The following RBKS variants were observed in gnomAD, a reference collection of about 807,000 sequenced individuals.
RBKS encodes the protein ribokinase.
In RBKS, 33 loss-of-function variants were observed where a neutral mutation model predicts 33.9. That is an observed-to-expected ratio of 0.97 (90% CI 0.74 to 1.30). The LOEUF (loss-of-function observed/expected upper bound fraction) is 1.30, where lower values mean the gene tolerates loss of function less well. RBKS is among the 50% of genes most tolerant of loss of function. RBKS has a pLI of 0.00. For missense variants in RBKS, 361 were observed against 392.6 expected (o/e 0.92, Z 0.68); for synonymous variants, 125 against 143.0 (o/e 0.87, Z 0.90).
At chr2:27,870,913 C>G in intron 1 of RBKS, 1 of 456,932 alleles carries the variant, frequency 2.2e-6, no homozygotes, top group South Asian at 1.5e-5. Context: ...TTACACAAAA[C>G]AAGCATTGTT....
At chr2:27,838,221 AAAAC>A (rs1301592267) in intron 5 of RBKS, among the ~76,000 whole-genome samples, 1 of 152,070 alleles carries the variant, frequency 6.6e-6, no homozygotes, top group Non-Finnish European at 1.5e-5. Context: ...AAACAAAACA[AAAAC>A]AAGTCTGCAC....
intron 7 of RBKS, among the ~76,000 whole-genome samples, chr2:27,820,264 C>T (rs1678173760): frequency 1.3e-5 from 2 of 152,256 alleles, no homozygotes; most frequent in South Asian, 4.1e-4. Context: ...CTTTATAACA[C>T]CTTCTCCCCA....
intron 1 of RBKS, among the ~76,000 whole-genome samples, chr2:27,862,940 A>G (rs1424801964): frequency 6.6e-6 from 1 of 152,196 alleles, no homozygotes; most frequent in Non-Finnish European, 1.5e-5. Context: ...TTCAGGTTCA[A>G]GAAAGCATCT....
chr2:27,802,671 G>A (rs576798290), intron 7 of RBKS, among the ~76,000 whole-genome samples: 4 of 152,240 alleles, frequency 2.6e-5, no homozygotes, highest in African/African-American at 9.6e-5. Flanking sequence ...TTCAATGCAC[G>A]CTAATACCTC....
At chr2:27,858,041 G>A (rs936738924) in intron 2 of RBKS, among the ~76,000 whole-genome samples, 5 of 152,090 alleles carry the variant, frequency 3.3e-5, no homozygotes, top group East Asian at 1.9e-4. Context: ...AAAAAGGAAG[G>A]AAATACTGAT....
intron 2 of RBKS, among the ~76,000 whole-genome samples, chr2:27,855,308 G>T (rs1189105271): frequency 1.3e-5 from 2 of 152,210 alleles, no homozygotes; most frequent in African/African-American, 4.8e-5. Context: ...TTTGAAGGAA[G>T]CAAGACAGGG....
rs1210610006 is a variant in RBKS at position 27,848,096 on chromosome 2, A to G, written c.224T>C (p.Val75Ala). 8 of 1,472,662 alleles carry G rather than the reference A, an allele frequency of 5.4e-6. No individual in the cohort carries two copies. Among genetic ancestry groups the G allele is most frequent in the Non-Finnish European group, 7.5e-6 (8 of 1,062,450 alleles). The allele number at this position is 1,472,662 out of a possible 1,614,324, so 91.2% of individuals were successfully genotyped here. A position where few individuals can be genotyped will look rare whatever the true frequency, so the allele number is the denominator to read the frequency against. The change falls in exon 3 of 8, where the codon GTT becomes GCT. Residue 75 changes from valine to alanine, a missense_variant and splice_region_variant. Physicochemically the swap from Val to Ala is moderately conservative, Grantham distance 64. Coordinates refer to ENST00000302188, the MANE Select transcript of RBKS (RefSeq NM_022128.3). The stretch of plus-strand genomic sequence containing the variant: ...ATCATTGCCAAAAGAATCTTTGCCA[A>G]CCTGTACCAAAGAAATAATGAATAT... ...LGAMTSMVCK[V>A]GKDSFGNDYI...
At chr2:27,860,398 C>A (rs1175282339) in intron 1 of RBKS, among the ~76,000 whole-genome samples, 1 of 152,076 alleles carries the variant, frequency 6.6e-6, no homozygotes, top group African/African-American at 2.4e-5. Context: ...TCAGAGCAAC[C>A]TGAAAAAGAA....
chr2:27,836,132 T>C (rs1678514865), intron 5 of RBKS, among the ~76,000 whole-genome samples: 1 of 152,068 alleles, frequency 6.6e-6, no homozygotes, highest in South Asian at 2.1e-4. Context: ...GGACAATCGC[T>C]TGAACCTGGG....
At chr2:27,797,290 C>T (rs12623170) in intron 7 of RBKS, among the ~76,000 whole-genome samples, 43,653 of 152,102 alleles carry the variant, frequency 0.29, 7,045 homozygotes, top group East Asian at 0.59. Context: ...CTGTGGGCCA[C>T]GGCCAGCTCA....
chr2:27,787,985 C>G (rs773548915), intron 7 of RBKS, among the ~76,000 whole-genome samples: 1 of 152,084 alleles, frequency 6.6e-6, no homozygotes, highest in Non-Finnish European at 1.5e-5. Context: ...ATATTAAAAA[C>G]CTTATGATTA....
chr2:27,860,447 G>C (rs1389036865), intron 1 of RBKS, among the ~76,000 whole-genome samples: 1 of 152,298 alleles, frequency 6.6e-6, no homozygotes, highest in Non-Finnish European at 1.5e-5. Flanking sequence ...CAAATAACTT[G>C]ATTAGTAAGA....
chr2:27,814,954 CAT>C (rs567653338), intron 7 of RBKS, among the ~76,000 whole-genome samples: 30 of 152,220 alleles, frequency 2.0e-4, no homozygotes, highest in Non-Finnish European at 4.4e-4. Flanking sequence ...CACATAAGCA[CAT>C]GACATTCATG....
chr2:27,888,274 C>T (rs1664588695), intron 1 of RBKS, among the ~76,000 whole-genome samples: 1 of 152,032 alleles, frequency 6.6e-6, no homozygotes, highest in African/African-American at 2.4e-5. Flanking sequence ...ATCACAGGCG[C>T]CAGCTACCAT....
chr2:27,786,883 A>G (rs189398459), intron 7 of RBKS, among the ~76,000 whole-genome samples: 8 of 152,330 alleles, frequency 5.3e-5, no homozygotes, highest in Admixed American at 5.2e-4. Flanking sequence ...AAGGCCAGGG[A>G]AACACAGGGC....
intron 6 of RBKS, among the ~76,000 whole-genome samples, chr2:27,828,662 A>G (rs1034814976): frequency 1.1e-4 from 16 of 151,984 alleles, no homozygotes; most frequent in African/African-American, 3.9e-4. Context: ...CAAGATCCAT[A>G]TTTTTCTCCC....
Position 27,890,386 on chromosome 2 carries a change from G to T in RBKS, c.-41C>A. 6.3e-7 allele frequency: 1 copy of T among 1,575,068 alleles called. No individual in the cohort carries two copies. Reference sequence around the variant, plus strand: ...CTGTCCAACCTGGACGGTGACCTCTGCCCTTTGCCCGACCCCGTAACCAGA... The same window carrying T: ...CTGTCCAACCTGGACGGTGACCTCTTCCCTTTGCCCGACCCCGTAACCAGA... On this transcript the variant is annotated 5_prime_UTR_variant, in exon 1 of 8. Transcript: ENST00000302188. This position sits in a 1 kb window ranked among gnomAD's most constrained non-coding sequence, Gnocchi z 4.8.
intron 7 of RBKS, chr2:27,782,677 C>T (rs1392603424): frequency 3.1e-5 from 14 of 447,294 alleles, no homozygotes; most frequent in South Asian, 1.8e-4. Flanking sequence ...TGGTGTTAAC[C>T]CTGGTCACCT....
chr2:27,881,553 T>TA (rs1664417254), intron 1 of RBKS, among the ~76,000 whole-genome samples: 1 of 150,236 alleles, frequency 6.7e-6, no homozygotes, highest in African/African-American at 2.4e-5. Context: ...AATAAATAAA[T>TA]AAATAAAATA....
Sources: gnomAD v4.1 joint callset for allele counts (sites outside exome capture counted in the v4.1 genomes callset) on GRCh38, gnomAD v4.1.1 for gene constraint, Gnocchi (gnomAD v3.1) non-coding constraint, MANE v1.5 for transcripts, NCBI Gene and HGNC (gene_info 2026-07-23, HGNC 2026-07-21) for gene names.